C10orf71: variants seen among roughly 807,000 people sequenced by gnomAD.
The protein encoded by C10orf71 is cardiac-enriched FHL2-interacting protein.
For missense variants in C10orf71, 1,869 were observed against 1,804.5 expected (o/e 1.04, Z -0.65); for synonymous variants, 758 against 726.3 (o/e 1.04, Z -0.70).
chr10:49,311,105 C>T (rs1048524954), intron 1 of C10orf71, among the ~76,000 whole-genome samples: 9 of 151,966 alleles, frequency 5.9e-5, no homozygotes, highest in African/African-American at 1.7e-4. Context: ...AGCTGTGAGA[C>T]ATGGAATATC....
intron 1 of C10orf71, among the ~76,000 whole-genome samples, chr10:49,315,151 GAC>G (rs1304814965): frequency 6.6e-6 from 1 of 152,156 alleles, no homozygotes; most frequent in African/African-American, 2.4e-5. Flanking sequence ...TATGGTGGTA[GAC>G]ACAGAGCACC....
Position 49,322,970 on chromosome 10 carries a change from A to G in C10orf71, c.425A>G (p.Lys142Arg). The change falls in exon 3 of 3, where the codon AAA (lysine) becomes AGA (arginine). Residue 142 changes from lysine to arginine, a missense_variant. By Grantham distance (26) the Lys-to-Arg change is conservative. Transcript: ENST00000374144. The part of the protein sequence containing the change: ...GLRSSNKPVS[K>R]VSTLIKSFDR... ...AGGAGCAGCAATAAGCCTGTCTCCAAAGTATCAACACTAATTAAATCTTTC... is the reference window on the plus strand; with the variant it reads ...AGGAGCAGCAATAAGCCTGTCTCCAGAGTATCAACACTAATTAAATCTTTC... 6.2e-7 allele frequency: 1 copy of G among 1,614,046 alleles called. No individual in the cohort carries two copies. The highest frequency in any genetic ancestry group is 8.5e-7 in the Non-Finnish European group (1 of 1,179,896).
At chr10:49,298,493 G>A (rs975546080), upstream of C10orf71, among the ~76,000 whole-genome samples, 28 of 152,178 alleles carry the variant, frequency 1.8e-4, no homozygotes, top group Non-Finnish European at 2.4e-4. Context: ...TGGGCAGTTT[G>A]GGGAGCAGGT....
At chr10:49,310,824 A>G (rs567091276) in intron 1 of C10orf71, among the ~76,000 whole-genome samples, 1 of 152,016 alleles carries the variant, frequency 6.6e-6, no homozygotes, top group South Asian at 2.1e-4. Context: ...ATGATGAAGA[A>G]GAAGAAGAGG....
chr10:49,313,732 G>A (rs1018257743), intron 1 of C10orf71, among the ~76,000 whole-genome samples: 2 of 152,204 alleles, frequency 1.3e-5, no homozygotes, highest in African/African-American at 2.4e-5. Flanking sequence ...GTGACGTCAG[G>A]TTTCTGAGGT....
At chr10:49,303,606 A>AG (rs1467011558) in intron 1 of C10orf71, among the ~76,000 whole-genome samples, 12 of 152,230 alleles carry the variant, frequency 7.9e-5, no homozygotes, top group African/African-American at 2.9e-4. Flanking sequence ...AAGAAGGGAA[A>AG]GGGGGGCAAG....
intron 1 of C10orf71, among the ~76,000 whole-genome samples, chr10:49,314,392 G>T (rs1041860716): frequency 6.6e-6 from 1 of 152,184 alleles, no homozygotes; most frequent in Non-Finnish European, 1.5e-5. Flanking sequence ...CCTTCATGCT[G>T]CCTGAAGGGA....
chr10:49,303,792 T>C (rs1848767409), intron 1 of C10orf71, among the ~76,000 whole-genome samples: 1 of 152,176 alleles, frequency 6.6e-6, no homozygotes, highest in African/African-American at 2.4e-5. Context: ...CATGAGGAAT[T>C]CCATGAAGCA....
chr10:49,321,133 C>T (rs1369680438), intron 2 of C10orf71, among the ~76,000 whole-genome samples: 1 of 152,036 alleles, frequency 6.6e-6, no homozygotes, highest in Non-Finnish European at 1.5e-5. Flanking sequence ...GTATTGTTAA[C>T]TACAGACACC....
chr10:49,305,653 G>A (rs1348878720), intron 1 of C10orf71, among the ~76,000 whole-genome samples: 1 of 152,212 alleles, frequency 6.6e-6, no homozygotes, highest in African/African-American at 2.4e-5. Context: ...GCAAGGCCCA[G>A]CCCATGGACC....
chr10:49,308,120 G>GGGC (rs1848847559), intron 1 of C10orf71, among the ~76,000 whole-genome samples: 1 of 152,212 alleles, frequency 6.6e-6, no homozygotes, highest in African/African-American at 2.4e-5. Flanking sequence ...TCTCCCCAGA[G>GGGC]GGCAGCAGCC....
chr10:49,302,491 A>G (rs1848745443), intron 1 of C10orf71, among the ~76,000 whole-genome samples: 1 of 152,206 alleles, frequency 6.6e-6, no homozygotes, highest in Admixed American at 6.5e-5. Flanking sequence ...ACCTCCAGTG[A>G]GCAAAGTTTT....
In C10orf71 at chr10:49,325,262, G is replaced by T. The variant is rs754000879; in HGVS notation, c.2717G>T (p.Cys906Phe). 167 of 1,551,674 alleles carry T rather than the reference G, an allele frequency of 1.1e-4. No homozygotes were observed. Among genetic ancestry groups the T allele is most frequent in the Non-Finnish European group, 1.4e-4 (156 of 1,147,020 alleles). Residue 906 changes from cysteine to phenylalanine, a missense_variant, in exon 3 of 3, where the codon TGT (cysteine) becomes TTT (phenylalanine). Transcript: ENST00000374144. The part of the protein sequence containing the change: ...RPEWGEDPGF[C>F]APENQDILGT... The stretch of plus-strand genomic sequence containing the variant: ...GAATGGGGTGAGGATCCTGGGTTTT[G>T]TGCCCCCGAAAACCAGGACATTCTT...
intron 1 of C10orf71, among the ~76,000 whole-genome samples, chr10:49,303,332 T>A (rs1406924500): frequency 6.6e-6 from 1 of 152,068 alleles, no homozygotes; most frequent in Non-Finnish European, 1.5e-5. Flanking sequence ...AAAATGATAC[T>A]CCCACCTCTG....
chr10:49,305,689 C>T (rs1420202860), intron 1 of C10orf71, among the ~76,000 whole-genome samples: 2 of 152,202 alleles, frequency 1.3e-5, no homozygotes, highest in Non-Finnish European at 2.9e-5. Flanking sequence ...GGGTCTCCTC[C>T]CCTCCCCAAG....
In C10orf71 at chr10:49,316,229, G is replaced by A. The variant is rs947735393; in HGVS notation, c.-163G>A. On this transcript the variant is annotated 5_prime_UTR_variant, in exon 2 of 3. Transcript: ENST00000374144. ...AAACCCAGCACGGCAGGCACCTGCA[G>A]CTTCCAGTGCTGTAACAGGTATGGA... 1.3e-5 allele frequency: 2 copies of A among 152,088 alleles called. No homozygotes were observed. Among genetic ancestry groups the A allele is most frequent in the African/African-American group, 4.8e-5 (2 of 41,404 alleles). The allele number at this position is 152,088 out of a possible 1,614,324, so 9.4% of individuals were successfully genotyped here.
At chr10:49,300,249 C>G (rs1231568852) in intron 1 of C10orf71, among the ~76,000 whole-genome samples, 1 of 152,164 alleles carries the variant, frequency 6.6e-6, no homozygotes, top group Non-Finnish European at 1.5e-5. Flanking sequence ...TAACTCTGGT[C>G]TGTGGTCTGA....
In C10orf71 at chr10:49,324,441, G is replaced by T. The variant is rs1210591496; in HGVS notation, c.1896G>T (p.Trp632Cys). 1 of 1,608,750 alleles carries T rather than the reference G, an allele frequency of 6.2e-7. No individual in the cohort carries two copies. The highest frequency in any genetic ancestry group is 8.5e-7 in the Non-Finnish European group (1 of 1,177,418). Reference sequence around the variant, plus strand: ...AGATGGGTCCTGCCGGATCCAGCTGGTGTCCAGACTCCAGGGAACACCGCC... The same window carrying T: ...AGATGGGTCCTGCCGGATCCAGCTGTTGTCCAGACTCCAGGGAACACCGCC... Reference protein sequence around the residue: ...ELEMGPAGSSWCPDSREHRPR... With the variant: ...ELEMGPAGSSCCPDSREHRPR... Residue 632 changes from tryptophan to cysteine, a missense_variant, in exon 3 of 3, where the codon TGG (tryptophan) becomes TGT (cysteine). By Grantham distance (215) the Trp-to-Cys change is radical. Transcript: ENST00000374144.
upstream of C10orf71, among the ~76,000 whole-genome samples, chr10:49,298,115 T>TCA (rs1848666271): frequency 6.6e-6 from 1 of 152,236 alleles, no homozygotes; most frequent in South Asian, 2.1e-4. Context: ...GGTTCAAGGC[T>TCA]GGAGGTGGTG....
Sources: gnomAD v4.1 joint callset for allele counts (sites outside exome capture counted in the v4.1 genomes callset) on GRCh38, gnomAD v4.1.1 for gene constraint, MANE v1.5 for transcripts, NCBI Gene and HGNC (gene_info 2026-07-23, HGNC 2026-07-21) for gene names.